The following TTC7A variants were observed in gnomAD, a reference collection of about 807,000 sequenced individuals.
TTC7A encodes tetratricopeptide repeat protein 7A.
Under a neutral mutation model 103.7 loss-of-function variants are expected in TTC7A, and 110 were observed. That is an observed-to-expected ratio of 1.06 (90% CI 0.91 to 1.24). The LOEUF (loss-of-function observed/expected upper bound fraction) is 1.24. Ranked by LOEUF, TTC7A falls within the 50% of genes most tolerant of loss-of-function variation. The pLI, the probability that TTC7A is intolerant of heterozygous loss-of-function variation, is 0.00. For synonymous variants in TTC7A, 521 were observed against 467.9 expected, an observed-to-expected ratio of 1.11 and a Z score of -1.47; for missense variants, 1,340 against 1,116.3, an observed-to-expected ratio of 1.20 and a Z score of -2.86.
At chr2:47,073,617 C>T (rs1684962390) in intron 19 of TTC7A, 85 bp from the exon 20 acceptor site, 5 of 1,169,728 alleles carry the variant, frequency 4.3e-6, no homozygotes, top group African/African-American at 1.5e-5. Context: ...GCTGCTGCCA[C>T]CCGTGCACCT....
chr2:46,981,808 A>T (rs1213184329), intron 5 of TTC7A, among the ~76,000 whole-genome samples: 1 of 152,226 alleles, frequency 6.6e-6, no homozygotes, highest in Non-Finnish European at 1.5e-5. Flanking sequence ...GCTTATCAGT[A>T]ACCTTGAGCT....
At chr2:46,934,973 G>A (rs1337400838) in intron 2 of TTC7A, among the ~76,000 whole-genome samples, 1 of 151,582 alleles carries the variant, frequency 6.6e-6, no homozygotes, top group Non-Finnish European at 1.5e-5. Flanking sequence ...GCTAATTTTT[G>A]TATTTTTAGT....
At chr2:47,071,654 C>T (rs1169277376) in intron 19 of TTC7A, among the ~76,000 whole-genome samples, 1 of 152,118 alleles carries the variant, frequency 6.6e-6, no homozygotes, top group Non-Finnish European at 1.5e-5. Flanking sequence ...TCCAACCTGG[C>T]CAGGGCTTCC....
At chr2:47,026,371 G>A (rs921165926) in intron 14 of TTC7A, among the ~76,000 whole-genome samples, 2 of 152,182 alleles carry the variant, frequency 1.3e-5, no homozygotes, top group African/African-American at 4.8e-5. Flanking sequence ...CTCCTCGTAT[G>A]CTCCTTGACC....
At chr2:47,014,767 A>T (rs965438042) in intron 11 of TTC7A, among the ~76,000 whole-genome samples, 1 of 152,350 alleles carries the variant, frequency 6.6e-6, no homozygotes, top group African/African-American at 2.4e-5. Flanking sequence ...GGGGTGGTCA[A>T]TTTGGCCTGG....
chr2:46,968,248 C>G (rs534475054), intron 3 of TTC7A, among the ~76,000 whole-genome samples: 1 of 152,196 alleles, frequency 6.6e-6, no homozygotes, highest in Non-Finnish European at 1.5e-5. Context: ...TTGCAAGGGA[C>G]CTTTCCTAGA....
intron 5 of TTC7A, among the ~76,000 whole-genome samples, chr2:46,991,603 CTCA>C (rs2104369429): frequency 6.6e-6 from 1 of 152,210 alleles, no homozygotes; most frequent in East Asian, 1.9e-4. Flanking sequence ...GAGTTATTTA[CTCA>C]CCTTAAAAGA....
chr2:47,011,189 T>A (rs1678003627), intron 10 of TTC7A, 142 bp from the exon 11 acceptor site: 2 of 662,582 alleles, frequency 3.0e-6, no homozygotes, highest in Non-Finnish European at 4.9e-6. Flanking sequence ...CTGCCTAGGC[T>A]TCTCTGCCCT....
intron 18 of TTC7A, chr2:47,054,304 C>G (rs1432297430): frequency 2.0e-5 from 7 of 344,136 alleles, no homozygotes; most frequent in Non-Finnish European, 2.5e-5. Context: ...AGCGACTCTT[C>G]TGTCCCTAGG....
At chr2:47,015,927 G>A (rs893325094) in intron 11 of TTC7A, among the ~76,000 whole-genome samples, 2 of 152,210 alleles carry the variant, frequency 1.3e-5, no homozygotes, top group Admixed American at 1.3e-4. Context: ...CTAACAGCAG[G>A]TTCCGGGCTC....
intron 15 of TTC7A, among the ~76,000 whole-genome samples, chr2:47,032,029 T>C (rs547060487): frequency 5.9e-5 from 9 of 152,302 alleles, no homozygotes; most frequent in African/African-American, 2.2e-4. Flanking sequence ...CCCCTGCTGC[T>C]GCCCTGCCTC....
chr2:47,001,278 A>G (rs1016575427), intron 8 of TTC7A, among the ~76,000 whole-genome samples: 2 of 152,192 alleles, frequency 1.3e-5, no homozygotes, highest in African/African-American at 2.4e-5. Flanking sequence ...CCCTGCAGCC[A>G]CCAAAGGATC....
intron 3 of TTC7A, among the ~76,000 whole-genome samples, chr2:46,967,221 A>G (rs1672939655): frequency 6.6e-6 from 1 of 152,184 alleles, no homozygotes; most frequent in Admixed American, 6.5e-5. Flanking sequence ...TCAAAAAAAA[A>G]ATGTGTTAAA....
chr2:46,933,217 G>A (rs1669803514), intron 2 of TTC7A, among the ~76,000 whole-genome samples: 1 of 152,176 alleles, frequency 6.6e-6, no homozygotes, highest in African/African-American at 2.4e-5. Flanking sequence ...AGTCACCTGG[G>A]ACCCCGAGGA....
chr2:47,035,096 G>T (rs537763603), intron 15 of TTC7A, among the ~76,000 whole-genome samples: 1 of 152,122 alleles, frequency 6.6e-6, no homozygotes, highest in Non-Finnish European at 1.5e-5. Flanking sequence ...TTCAGGTGGC[G>T]CTTGTTGTAT....
intron 1 of TTC7A, among the ~76,000 whole-genome samples, chr2:46,942,580 T>A (rs193128009): frequency 6.6e-6 from 1 of 152,328 alleles, no homozygotes; most frequent in East Asian, 1.9e-4. Flanking sequence ...TCGTGCTTCC[T>A]GTGTGCCAGA....
At chr2:47,053,458 C>T (rs1015071608) in intron 18 of TTC7A, among the ~76,000 whole-genome samples, 1 of 152,132 alleles carries the variant, frequency 6.6e-6, no homozygotes, top group African/African-American at 2.4e-5. Flanking sequence ...TGTGGGTTGC[C>T]TGTACCAGAG....
chr2:46,980,576 C>G (rs533616228), intron 5 of TTC7A, among the ~76,000 whole-genome samples: 1 of 152,290 alleles, frequency 6.6e-6, no homozygotes, highest in South Asian at 2.1e-4. Context: ...TTCCGCGACT[C>G]ACAACCAGTT....
intron 15 of TTC7A, chr2:47,035,487 C>T (rs946747649): frequency 2.6e-5 from 4 of 152,190 alleles, no homozygotes; most frequent in Admixed American, 2.0e-4. Context: ...CATTTCCCTT[C>T]GTGGGTTGTC....
Sources: allele counts gnomAD v4.1 joint callset (sites outside exome capture counted in the v4.1 genomes callset), GRCh38; gene constraint gnomAD v4.1.1; transcripts MANE v1.5; gene names NCBI Gene and HGNC (gene_info 2026-07-23, HGNC 2026-07-21).